Variants in KCNQ4 observed in about 807,000 individuals in gnomAD.
KCNQ4 encodes potassium voltage-gated channel subfamily KQT member 4.
Under a neutral mutation model 72.6 loss-of-function variants are expected in KCNQ4, and 31 were observed. That is an observed-to-expected ratio of 0.43 (90% CI 0.32 to 0.58). KCNQ4 has a LOEUF of 0.58. KCNQ4 is among the 20% of genes least tolerant of loss of function. The probability of loss-of-function intolerance (pLI) is 0.08; values close to 1 mark genes in which losing one functional copy is unlikely to be tolerated. For synonymous variants in KCNQ4, 405 were observed against 403.7 expected (o/e 1.00, Z -0.04); for missense variants, 869 against 962.6 (o/e 0.90, Z 1.29).
intron 9 of KCNQ4, among the ~76,000 whole-genome samples, chr1:40,827,992 G>A (rs3820524): frequency 0.33 from 50,784 of 152,118 alleles, 9,107 homozygotes; most frequent in Middle Eastern, 0.41. Flanking sequence ...GGTCAGGCCC[G>A]CCATTTTGCA....
intron 1 of KCNQ4, among the ~76,000 whole-genome samples, chr1:40,793,939 T>C (rs991558562): frequency 3.9e-5 from 6 of 152,192 alleles, no homozygotes; most frequent in African/African-American, 1.4e-4. Flanking sequence ...CTTTTCTGCA[T>C]GGGACTATGA....
Position 40,799,134 on chromosome 1 carries a change from C to G in KCNQ4, c.314+14727C>G, listed in dbSNP as rs958287179. Among the ~76,000 whole-genome samples the G allele has an allele frequency of 7.2e-5, 11 of 152,384 alleles. No homozygotes were observed. The East Asian group carries it at 2.1e-3, about 29-fold the overall frequency. On this transcript the variant is annotated intron_variant, in intron 1 of 13. Coordinates refer to ENST00000347132, the MANE Select transcript of KCNQ4 (RefSeq NM_004700.4). ...CCAGCTCAGATCCCTGGCATACACC[C>G]AGTTCCTCTGCTTGGGGCCTTCCCC...
intron 1 of KCNQ4, among the ~76,000 whole-genome samples, chr1:40,792,796 A>T (rs934234541): frequency 1.3e-5 from 2 of 152,016 alleles, no homozygotes; most frequent in African/African-American, 4.8e-5. Context: ...TTTTATCCTA[A>T]AAAAATACAT....
chr1:40,820,591 C>G (rs546104258), intron 7 of KCNQ4, among the ~76,000 whole-genome samples: 2 of 152,362 alleles, frequency 1.3e-5, no homozygotes, highest in East Asian at 3.9e-4. Flanking sequence ...CCCACTGCTG[C>G]CCCCATCAGC....
rs567517894 is a variant in KCNQ4, at chr1:40,818,471, G to A, written c.533-34G>A. On this transcript the variant is annotated intron_variant, in intron 3 of 13. Transcript: ENST00000347132. ...GCCTCCGGGTCCGTGCGCGGGGTAG[G>A]CTGGCTGTGATCTCGCCGCCCCCGC... 411 of 1,598,706 alleles carry A rather than the reference G, an allele frequency of 2.6e-4. 3 individuals carry two copies. The East Asian group carries it at 8.9e-3, about 34-fold the overall frequency.
At chr1:40,825,513 T>G (rs1648448610) in intron 9 of KCNQ4, among the ~76,000 whole-genome samples, 3 of 152,036 alleles carry the variant, frequency 2.0e-5, no homozygotes, top group Admixed American at 1.3e-4. Context: ...TTCCTTGTTC[T>G]CAGTGAGGGC....
chr1:40,815,412 C>G (rs889739986), intron 1 of KCNQ4, among the ~76,000 whole-genome samples: 1 of 152,108 alleles, frequency 6.6e-6, no homozygotes, highest in Non-Finnish European at 1.5e-5. Flanking sequence ...GGCCATTCCC[C>G]GAGGAGAGGG....
chr1:40,814,806 A>C (rs1218075832), intron 1 of KCNQ4, among the ~76,000 whole-genome samples: 1 of 152,090 alleles, frequency 6.6e-6, no homozygotes. Context: ...AGCCTTGCTG[A>C]CTCTGGGTAC....
intron 8 of KCNQ4, among the ~76,000 whole-genome samples, chr1:40,823,764 A>G (rs1648379084): frequency 6.6e-6 from 1 of 152,174 alleles, no homozygotes; most frequent in Admixed American, 6.5e-5. Context: ...ATCTGGAGGG[A>G]AAGGATGTCA....
chr1:40,838,988 T>G lies in KCNQ4; in HGVS notation c.*465T>G. ...GGGTGGGCCAAGGTGCCCCCACAGG[T>G]ACCCACAAAGCACAGGACCCTGCCA... On this transcript the variant is annotated 3_prime_UTR_variant, in exon 14 of 14. Transcript: ENST00000347132. 1 of 250,260 alleles carries G rather than the reference T, an allele frequency of 4.0e-6. No individual in the cohort carries two copies. Among genetic ancestry groups the G allele is most frequent in the Non-Finnish European group, 8.0e-6 (1 of 125,166 alleles). The allele number at this position is 250,260 out of a possible 1,614,324, so 15.5% of individuals were successfully genotyped here. A position where few individuals can be genotyped will look rare whatever the true frequency, so the allele number is the denominator to read the frequency against.
chr1:40,801,277 C>T (rs1647566995), intron 1 of KCNQ4, among the ~76,000 whole-genome samples: 1 of 152,092 alleles, frequency 6.6e-6, no homozygotes, highest in Non-Finnish European at 1.5e-5. Context: ...GACCACATCT[C>T]CTATCTCCTC....
At chr1:40,838,154 G>C (rs891724404) in intron 13 of KCNQ4, among the ~76,000 whole-genome samples, 157 bp from the exon 14 acceptor site, 14 of 151,698 alleles carry the variant, frequency 9.2e-5, no homozygotes, top group Non-Finnish European at 2.1e-4. Context: ...TTCGCCCCTC[G>C]CTCTAGCCAA....
chr1:40,831,353 A>G, intron 10 of KCNQ4, 49 bp downstream of exon 10: 1 of 1,482,484 alleles, frequency 6.7e-7, no homozygotes. Context: ...TGAGGGTGGC[A>G]GGGCGGGGAC....
intron 1 of KCNQ4, among the ~76,000 whole-genome samples, chr1:40,789,882 C>T (rs538852372): frequency 1.3e-5 from 2 of 152,330 alleles, no homozygotes; most frequent in Admixed American, 6.5e-5. Context: ...CGAGGCCCTG[C>T]CCACAAAGGA....
intron 1 of KCNQ4, among the ~76,000 whole-genome samples, chr1:40,813,365 G>A (rs12048754): frequency 0.14 from 21,119 of 152,224 alleles, 1,615 homozygotes; most frequent in East Asian, 0.3. Context: ...AGATGGTGGC[G>A]GCTTGGTTGG....
chr1:40,821,180 C>T (rs546833022), intron 7 of KCNQ4, among the ~76,000 whole-genome samples: 11 of 152,298 alleles, frequency 7.2e-5, no homozygotes, highest in East Asian at 3.9e-4. Flanking sequence ...TAGGGGCAGG[C>T]GGCTGGCACT....
At chr1:40,811,265 T>C (rs1369951979) in intron 1 of KCNQ4, among the ~76,000 whole-genome samples, 2 of 152,220 alleles carry the variant, frequency 1.3e-5, no homozygotes, top group Admixed American at 6.5e-5. Flanking sequence ...CCTCCTGCCC[T>C]GTGGCCGCTT....
rs1416669278 is a variant in KCNQ4 at position 40,788,492 on chromosome 1, C to T, written c.314+4085C>T. Reference sequence around the variant, plus strand: ...GCACCCTGCTGAGCTCTCTCTAAACCGGTCTCATTGTGTCCTTCTGCAGCC... The same window carrying T: ...GCACCCTGCTGAGCTCTCTCTAAACTGGTCTCATTGTGTCCTTCTGCAGCC... On this transcript the variant is annotated intron_variant, in intron 1 of 13. Transcript: ENST00000347132. This position sits in a 1 kb window ranked among gnomAD's most constrained non-coding sequence, Gnocchi z 4.5. 6.6e-6 allele frequency among the ~76,000 whole-genome samples: 1 copy of T among 152,224 alleles called. No homozygotes were observed. The highest frequency in any genetic ancestry group is 2.4e-5 in the African/African-American group (1 of 41,458).
Position 40,788,934 on chromosome 1 carries a change from CT to C in KCNQ4, c.314+4528del, listed in dbSNP as rs1432680745. Among the ~76,000 whole-genome samples, 3 of 152,222 alleles carry C rather than the reference CT, an allele frequency of 2.0e-5. No individual in the cohort carries two copies. Among genetic ancestry groups the C allele is most frequent in the African/African-American group, 7.2e-5 (3 of 41,448 alleles). On this transcript the variant is annotated intron_variant, in intron 1 of 13. Coordinates refer to ENST00000347132, the MANE Select transcript of KCNQ4 (RefSeq NM_004700.4). The surrounding 1 kb of genome is among the most constrained non-coding windows in gnomAD (Gnocchi z 4.5). ...CAGCATCCATCCAACAAAAAGAGTTCTAGTTTACAGCTGCCCCTACCTTTTC... is the reference window on the plus strand; with the variant it reads ...CAGCATCCATCCAACAAAAAGAGTTCAGTTTACAGCTGCCCCTACCTTTTC...
Sources: allele counts gnomAD v4.1 joint callset (sites outside exome capture counted in the v4.1 genomes callset), GRCh38; gene constraint gnomAD v4.1.1; non-coding constraint Gnocchi (gnomAD v3.1); transcripts MANE v1.5; gene names NCBI Gene and HGNC (gene_info 2026-07-23, HGNC 2026-07-21).